Variants in PLCL1 observed in about 807,000 individuals in gnomAD.
PLCL1 encodes the protein inactive phospholipase C-like protein 1.
Under a neutral mutation model 84.4 loss-of-function variants are expected in PLCL1, and 41 were observed. The ratio of observed to expected loss-of-function variants is 0.49; its 90% CI spans 0.38 to 0.63. PLCL1 has a LOEUF of 0.63. Among genes scored for constraint, PLCL1 ranks in the 30% least tolerant of loss-of-function variants. The pLI is 0.00. For synonymous variants in PLCL1, 490 were observed against 488.3 expected (o/e 1.00, Z -0.05); for missense variants, 1,206 against 1,367.8 (o/e 0.88, Z 1.87).
chr2:197,989,670 C>T (rs1441536294), intron 1 of PLCL1, among the ~76,000 whole-genome samples: 4 of 151,932 alleles, frequency 2.6e-5, no homozygotes, highest in Non-Finnish European at 5.9e-5. Context: ...CACCATTGCA[C>T]TCCAGCCTGG....
intron 1 of PLCL1, among the ~76,000 whole-genome samples, chr2:197,858,259 C>T (rs1687365249): frequency 6.6e-6 from 1 of 152,138 alleles, no homozygotes; most frequent in Non-Finnish European, 1.5e-5. Context: ...TCCATGTGAT[C>T]CCAAGGCAAG....
At chr2:197,982,686 A>G (rs1171426979) in intron 1 of PLCL1, among the ~76,000 whole-genome samples, 2 of 152,314 alleles carry the variant, frequency 1.3e-5, no homozygotes, top group South Asian at 2.1e-4. Flanking sequence ...GGACCTTACC[A>G]TTGTTTTTGC....
chr2:197,991,665 T>C (rs967488949), intron 1 of PLCL1, among the ~76,000 whole-genome samples: 1 of 152,216 alleles, frequency 6.6e-6, no homozygotes, highest in Non-Finnish European at 1.5e-5. Context: ...TATTCCAAAC[T>C]TCAGAATTTA....
intron 1 of PLCL1, among the ~76,000 whole-genome samples, chr2:198,068,895 C>A (rs1046678370): frequency 1.3e-5 from 2 of 151,878 alleles, no homozygotes; most frequent in African/African-American, 2.4e-5. Flanking sequence ...TGGTGGCAGG[C>A]GCAGTGGCAG....
At chr2:198,029,262 T>C (rs1022893846) in intron 1 of PLCL1, among the ~76,000 whole-genome samples, 1 of 152,234 alleles carries the variant, frequency 6.6e-6, no homozygotes, top group Non-Finnish European at 1.5e-5. Context: ...TTTACTACAT[T>C]GTATAGGTCA....
At chr2:198,132,464 G>A (rs959359818) in intron 5 of PLCL1, among the ~76,000 whole-genome samples, 1 of 151,602 alleles carries the variant, frequency 6.6e-6, no homozygotes, top group Non-Finnish European at 1.5e-5. Flanking sequence ...TTTGGGGGGG[G>A]GAGTCCACAT....
intron 1 of PLCL1, among the ~76,000 whole-genome samples, chr2:197,853,739 A>T (rs1426356631): frequency 6.6e-6 from 1 of 152,116 alleles, no homozygotes; most frequent in East Asian, 1.9e-4. Flanking sequence ...TTCTCTAGGA[A>T]GTTGTCCCTG....
chr2:198,128,715 G>A (rs768747749), intron 5 of PLCL1, among the ~76,000 whole-genome samples: 2 of 152,096 alleles, frequency 1.3e-5, no homozygotes, highest in Non-Finnish European at 2.9e-5. Context: ...TAATCTTGTG[G>A]CTACTGTTAG....
chr2:197,857,056 G>A lies in PLCL1; in HGVS notation c.240+51717G>A, dbSNP rs923292451. The stretch of plus-strand genomic sequence containing the variant: ...GGGCTTAATACCTGGGTGATGGGAT[G>A]ATATGTGCATCAAACCACTGTGGCA... On this transcript the variant is annotated intron_variant, in intron 1 of 5. Coordinates refer to ENST00000428675, the MANE Select transcript of PLCL1 (RefSeq NM_006226.4). 3.3e-5 allele frequency among the ~76,000 whole-genome samples: 5 copies of A among 151,870 alleles called. No individual in the cohort carries two copies. The East Asian group carries it at 7.7e-4, about 23-fold the overall frequency.
At chr2:197,818,486 G>A (rs1690738258) in intron 1 of PLCL1, among the ~76,000 whole-genome samples, 1 of 152,084 alleles carries the variant, frequency 6.6e-6, no homozygotes, top group Non-Finnish European at 1.5e-5. Flanking sequence ...GTAAGGTGAA[G>A]AGATAATGAC....
At chr2:197,980,831 T>C (rs1191098826) in intron 1 of PLCL1, among the ~76,000 whole-genome samples, 1 of 152,130 alleles carries the variant, frequency 6.6e-6, no homozygotes, top group East Asian at 1.9e-4. Flanking sequence ...ATTCACAATA[T>C]CTTATAAGGT....
intron 5 of PLCL1, among the ~76,000 whole-genome samples, chr2:198,120,350 T>G (rs1180267858): frequency 1.3e-5 from 2 of 152,048 alleles, no homozygotes; most frequent in Admixed American, 1.3e-4. Flanking sequence ...TTAGTTATTT[T>G]TAAATATACA....
chr2:197,923,652 C>G (rs949132163), intron 1 of PLCL1, among the ~76,000 whole-genome samples: 5 of 145,182 alleles, frequency 3.4e-5, no homozygotes, highest in South Asian at 2.3e-4. Flanking sequence ...CGGCCGGGCG[C>G]AGACGCTCCT....
At chr2:198,038,595 G>A (rs1691594791) in intron 1 of PLCL1, among the ~76,000 whole-genome samples, 1 of 152,016 alleles carries the variant, frequency 6.6e-6, no homozygotes, top group Non-Finnish European at 1.5e-5. Context: ...TCAAGGTTAA[G>A]GTTATGTTGT....
At chr2:198,107,294 C>A (rs2105916689) in intron 5 of PLCL1, among the ~76,000 whole-genome samples, 1 of 151,990 alleles carries the variant, frequency 6.6e-6, no homozygotes, top group East Asian at 1.9e-4. Context: ...CACCAGGTCC[C>A]TCCTACAACA....
chr2:198,025,147 A>C (rs1376755669), intron 1 of PLCL1, among the ~76,000 whole-genome samples: 3 of 152,164 alleles, frequency 2.0e-5, no homozygotes, highest in Non-Finnish European at 4.4e-5. Context: ...CAAAACTATG[A>C]AACAAGGTAC....
intron 1 of PLCL1, among the ~76,000 whole-genome samples, chr2:198,001,308 A>G (rs148869172): frequency 3.2e-3 from 484 of 152,226 alleles, no homozygotes; most frequent in Non-Finnish European, 4.8e-3. Flanking sequence ...TTGCTTAGTT[A>G]TTTCAACGTA....
At chr2:197,872,858 G>A (rs542795672) in intron 1 of PLCL1, among the ~76,000 whole-genome samples, 2 of 152,068 alleles carry the variant, frequency 1.3e-5, no homozygotes, top group Non-Finnish European at 2.9e-5. Context: ...AAAATTATTT[G>A]CATAATAACC....
At chr2:198,094,206 C>T (rs1434565586) in intron 3 of PLCL1, among the ~76,000 whole-genome samples, 1 of 152,084 alleles carries the variant, frequency 6.6e-6, no homozygotes, top group Non-Finnish European at 1.5e-5. Context: ...GGACAACAAA[C>T]ACCCACCACC....
Sources: allele counts gnomAD v4.1 joint callset (sites outside exome capture counted in the v4.1 genomes callset), GRCh38; gene constraint gnomAD v4.1.1; transcripts MANE v1.5; gene names NCBI Gene and HGNC (gene_info 2026-07-23, HGNC 2026-07-21).